Variants in EYS observed in about 807,000 individuals in gnomAD.
EYS encodes the protein protein eyes shut homolog.
In EYS, 250 loss-of-function variants were observed where a neutral mutation model predicts 282.1. The observed-to-expected ratio is 0.89, with a 90% CI of 0.80 to 0.98. The LOEUF is 0.98. Among genes scored for constraint, EYS ranks in the 50% least tolerant of loss-of-function variants. The probability of loss-of-function intolerance (pLI) is 0.00; values close to 1 mark genes in which losing one functional copy is unlikely to be tolerated. For synonymous variants in EYS, 1,355 were observed against 1,282.9 expected, an observed-to-expected ratio of 1.06 and a Z score of -1.20; for missense variants, 4,016 against 3,709.0, an observed-to-expected ratio of 1.08 and a Z score of -2.15.
intron 12 of EYS, among the ~76,000 whole-genome samples, chr6:65,119,796 G>C (rs1775476849): frequency 6.6e-6 from 1 of 151,916 alleles, no homozygotes; most frequent in African/African-American, 2.4e-5. Flanking sequence ...GAGCCTGGAA[G>C]GTAGTGGCTG....
At chr6:65,157,296 A>G (rs1764751231) in intron 12 of EYS, among the ~76,000 whole-genome samples, 1 of 150,956 alleles carries the variant, frequency 6.6e-6, no homozygotes, top group African/African-American at 2.4e-5. Context: ...TAAACGATAC[A>G]TTAGGTCATG....
intron 5 of EYS, among the ~76,000 whole-genome samples, chr6:65,453,633 A>C (rs558467794): frequency 6.6e-6 from 1 of 152,064 alleles, no homozygotes; most frequent in South Asian, 2.1e-4. Context: ...TATTCTTTCT[A>C]TCTAATTGTA....
chr6:65,519,708 A>ATATATATATATTTTT (rs1554205854), intron 2 of EYS, among the ~76,000 whole-genome samples: 3 of 42,562 alleles, frequency 7.0e-5, no homozygotes, highest in African/African-American at 3.8e-4. Flanking sequence ...ATATATATAT[A>ATATATATATATTTTT]TTTTTTTTTT....
intron 31 of EYS, among the ~76,000 whole-genome samples, chr6:64,137,621 A>G (rs530669530): frequency 6.6e-6 from 1 of 151,356 alleles, no homozygotes; most frequent in South Asian, 2.1e-4. Flanking sequence ...CCAGAGAAAG[A>G]GAGAGACAGA....
chr6:64,301,929 A>G (rs1769252594), intron 30 of EYS, among the ~76,000 whole-genome samples: 1 of 152,062 alleles, frequency 6.6e-6, no homozygotes, highest in Non-Finnish European at 1.5e-5. Context: ...GGCTTTGGAG[A>G]CTTTTTCCGC....
chr6:64,891,275 T>C lies in EYS; in HGVS notation c.2847-4433A>G, dbSNP rs114641343. Among the ~76,000 whole-genome samples the C allele has an allele frequency of 4.2e-3, 643 of 152,162 alleles. 6 individuals are homozygous for C. Among genetic ancestry groups the C allele is most frequent in the African/African-American group, 0.014 (599 of 41,520 alleles). ...CCACACTAAACAATATGAGGGCAAA[T>C]TTGTGCGAAAATAACATTTTACTCT... On this transcript the variant is annotated intron_variant, in intron 18 of 42. Coordinates refer to ENST00000503581, the MANE Select transcript of EYS (RefSeq NM_001142800.2).
chr6:64,631,212 C>G (rs1484128304), intron 22 of EYS: 1 of 152,040 alleles, frequency 6.6e-6, no homozygotes, highest in African/African-American at 2.4e-5. Context: ...TTAGAGGGAC[C>G]CAACATCATG....
chr6:64,330,359 A>T (rs529382340), intron 29 of EYS, among the ~76,000 whole-genome samples: 31 of 152,168 alleles, frequency 2.0e-4, no homozygotes, highest in Non-Finnish European at 4.3e-4. Context: ...TTTGTCTCAC[A>T]TTTGGATTCC....
At chr6:65,092,291 A>C (rs975199647) in intron 12 of EYS, among the ~76,000 whole-genome samples, 1 of 152,182 alleles carries the variant, frequency 6.6e-6, no homozygotes, top group Non-Finnish European at 1.5e-5. Context: ...GAAAAGTTGT[A>C]GAAGTGGTCT....
chr6:64,206,827 T>C (rs1346458679), intron 31 of EYS, among the ~76,000 whole-genome samples: 1 of 152,164 alleles, frequency 6.6e-6, no homozygotes, highest in African/African-American at 2.4e-5. Flanking sequence ...AAAAAACATG[T>C]TAATTTTTTT....
chr6:63,824,546 C>G (rs567748817), intron 36 of EYS, among the ~76,000 whole-genome samples: 1 of 152,114 alleles, frequency 6.6e-6, no homozygotes, highest in Non-Finnish European at 1.5e-5. Context: ...TGCTGCAGGA[C>G]GCGGAGACAC....
intron 5 of EYS, among the ~76,000 whole-genome samples, chr6:65,443,358 GCATACATGTATGTACACATATAGACA>G (rs1562186401): frequency 7.2e-6 from 1 of 138,134 alleles, no homozygotes; most frequent in Non-Finnish European, 1.6e-5. Flanking sequence ...AGACATATAT[GCATACATGTATGTACACATATAGACA>G]TATATGCATA....
intron 12 of EYS, among the ~76,000 whole-genome samples, chr6:65,092,001 G>A (rs1045370172): frequency 3.9e-5 from 6 of 151,986 alleles, no homozygotes; most frequent in Admixed American, 6.6e-5. Flanking sequence ...GTTGAAATCT[G>A]AAAATTAGGT....
chr6:63,855,079 T>G (rs1024640221), intron 36 of EYS, among the ~76,000 whole-genome samples: 3 of 152,228 alleles, frequency 2.0e-5, no homozygotes, highest in African/African-American at 7.2e-5. Flanking sequence ...ATTCCTTGGT[T>G]TAATGCTGTT....
At chr6:64,917,294 A>T (rs1439318891) in intron 15 of EYS, among the ~76,000 whole-genome samples, 1 of 152,096 alleles carries the variant, frequency 6.6e-6, no homozygotes, top group Non-Finnish European at 1.5e-5. Flanking sequence ...ATCTTAATAA[A>T]TGTCAATTTC....
chr6:64,480,355 G>T (rs1776401778), intron 26 of EYS, among the ~76,000 whole-genome samples: 1 of 151,844 alleles, frequency 6.6e-6, no homozygotes, highest in South Asian at 2.1e-4. Context: ...TAGCTAATAT[G>T]ATTTAAAAGA....
intron 28 of EYS, among the ~76,000 whole-genome samples, chr6:64,392,409 G>C (rs1368291151): frequency 6.7e-6 from 1 of 150,188 alleles, no homozygotes; most frequent in African/African-American, 2.5e-5. Flanking sequence ...TAAAAGAACA[G>C]AAATTATAAC....
At chr6:64,479,641 T>C (rs1776376177) in intron 26 of EYS, among the ~76,000 whole-genome samples, 1 of 151,918 alleles carries the variant, frequency 6.6e-6, no homozygotes, top group Admixed American at 6.6e-5. Flanking sequence ...ACAGTACTAT[T>C]CCTATATTTA....
At chr6:65,037,910 T>C (rs1478230358) in intron 13 of EYS, among the ~76,000 whole-genome samples, 1 of 151,688 alleles carries the variant, frequency 6.6e-6, no homozygotes, top group Non-Finnish European at 1.5e-5. Context: ...TACTCATATC[T>C]CCAATTTATA....
Sources: gnomAD v4.1 joint callset for allele counts (sites outside exome capture counted in the v4.1 genomes callset) on GRCh38, gnomAD v4.1.1 for gene constraint, MANE v1.5 for transcripts, NCBI Gene and HGNC (gene_info 2026-07-23, HGNC 2026-07-21) for gene names.